SPIRE2: variants seen among roughly 807,000 people sequenced by gnomAD.
The protein encoded by SPIRE2 is protein spire homolog 2.
A neutral mutation model predicts 80.7 loss-of-function variants in SPIRE2; 76 were observed. The ratio of observed to expected loss-of-function variants is 0.94; its 90% CI spans 0.78 to 1.14. SPIRE2 has a LOEUF of 1.14. Among genes scored for constraint, SPIRE2 ranks in the 50% most tolerant of loss-of-function variants. The pLI, the probability that SPIRE2 is intolerant of heterozygous loss-of-function variation, is 0.00. For synonymous variants in SPIRE2, 535 were observed against 432.6 expected (o/e 1.24, Z -2.94); for missense variants, 1,196 against 1,015.3 (o/e 1.18, Z -2.42).
chr16:89,863,476 G>A lies in SPIRE2; in HGVS notation c.1576G>A (p.Glu526Lys), dbSNP rs1249777058. 1 of 1,613,990 alleles carries A rather than the reference G, an allele frequency of 6.2e-7. No homozygotes were observed. Among genetic ancestry groups the A allele is most frequent in the East Asian group, 2.2e-5 (1 of 44,892 alleles). ...MTPDAKHLWL[E>K]FSHPVESLAL... ...CTTCCTACCTGAGGCCGTCCCCTAG[G>A]AGTTCAGCCACCCCGTGGAGAGCCT... The change falls in exon 11 of 15, where the codon GAG becomes AAG. Residue 526 changes from glutamate (E) to lysine (K), a missense_variant and splice_region_variant. By Grantham distance (56) the Glu-to-Lys change is moderately conservative (BLOSUM62 1). Coordinates refer to ENST00000378247, the MANE Select transcript of SPIRE2 (RefSeq NM_032451.2). The surrounding 1 kb of genome is among the most constrained non-coding windows in gnomAD (Gnocchi z 4.3).
chr16:89,854,102 C>T (rs923378366), intron 3 of SPIRE2, among the ~76,000 whole-genome samples, 184 bp from the exon 4 acceptor site: 34 of 152,266 alleles, frequency 2.2e-4, no homozygotes, highest in Non-Finnish European at 7.3e-5. Context: ...CCGCCTGTGG[C>T]GATGGCTCGG....
chr16:89,865,603 T>G (rs2041782261), intron 12 of SPIRE2, among the ~76,000 whole-genome samples: 1 of 152,130 alleles, frequency 6.6e-6, no homozygotes, highest in African/African-American at 2.4e-5. Context: ...AACACAACTG[T>G]ATCTCGCATC....
At chr16:89,867,125 T>G (rs2041796512) in intron 12 of SPIRE2, among the ~76,000 whole-genome samples, 1 of 151,474 alleles carries the variant, frequency 6.6e-6, no homozygotes, top group African/African-American at 2.4e-5. Context: ...TTTTTTTTTG[T>G]TTTTTGTTGT....
intron 3 of SPIRE2, among the ~76,000 whole-genome samples, chr16:89,853,039 T>G (rs1323872950): frequency 6.6e-6 from 1 of 151,966 alleles, no homozygotes; most frequent in East Asian, 1.9e-4. Flanking sequence ...TCTTCCGTCC[T>G]CTCTCTCAGC....
At position 89,850,589 on chromosome 16, in the gene SPIRE2, G is replaced by A. The variant is rs1398340916; in HGVS notation, c.574G>A (p.Val192Met). The A allele has an allele frequency of 1.4e-5, 21 of 1,518,386 alleles. No homozygotes were observed. The highest frequency in any genetic ancestry group is 2.5e-5 in the East Asian group (1 of 40,588). The allele number at this position is 1,518,386 out of a possible 1,614,324, so 94.1% of individuals were successfully genotyped here. Residue 192 changes from valine (V) to methionine (M), a missense_variant, in exon 3 of 15, where the codon GTG (valine) becomes ATG (methionine). Val to Met is a conservative substitution (Grantham distance 21). Coordinates refer to ENST00000378247, the MANE Select transcript of SPIRE2 (RefSeq NM_032451.2). ...GGGCGCACAGGCGCATTACCAGGCCGTGTGCCGCGCGCTCTTCGTGGAGAC... is the reference window on the plus strand; with the variant it reads ...GGGCGCACAGGCGCATTACCAGGCCATGTGCCGCGCGCTCTTCGTGGAGAC... ...PRGAQAHYQA[V>M]CRALFVETLE...
chr16:89,852,734 G>A (rs1358776403), intron 3 of SPIRE2, among the ~76,000 whole-genome samples: 13 of 38,772 alleles, frequency 3.4e-4, no homozygotes, highest in Admixed American at 1.0e-3. Flanking sequence ...CTCACCCCCC[G>A]GATCCCATGG....
In SPIRE2 at chr16:89,860,802, G is replaced by T; in HGVS notation, c.1575+7G>T. The T allele has an allele frequency of 1.4e-6, 2 of 1,478,052 alleles. No homozygotes were observed. The highest frequency in any genetic ancestry group is 1.8e-6 in the Non-Finnish European group (2 of 1,112,236). 91.6% of individuals were successfully genotyped at this position (1,478,052 alleles called of 1,614,324 possible). On this transcript the variant is annotated splice_region_variant and intron_variant, in intron 10 of 14. Coordinates refer to ENST00000378247, the MANE Select transcript of SPIRE2 (RefSeq NM_032451.2). ...TGCCAAACACCTGTGGCTGGTGAGT[G>T]AGGGTGCGATTGTCGTCCAGGGCGG...
chr16:89,847,804 A>G (rs2041577589), intron 2 of SPIRE2, among the ~76,000 whole-genome samples: 1 of 152,160 alleles, frequency 6.6e-6, no homozygotes. Flanking sequence ...TTTGCTTTTC[A>G]GAGAAAGTTG....
intron 3 of SPIRE2, among the ~76,000 whole-genome samples, 164 bp downstream of exon 3, chr16:89,850,824 G>C (rs1022723814): frequency 4.0e-5 from 6 of 151,552 alleles, no homozygotes; most frequent in Non-Finnish European, 5.9e-5. Flanking sequence ...ACGCTTTCTT[G>C]TTGTTTTTTT....
rs1258846542 is a variant in SPIRE2, at chr16:89,861,248, C to T, written c.1575+453C>T. Among the ~76,000 whole-genome samples, 11 of 152,280 alleles carry T rather than the reference C, an allele frequency of 7.2e-5. No homozygotes were observed. In the East Asian group the frequency reaches 2.1e-3, roughly 29 times the overall value. Reference sequence around the variant, plus strand: ...ACCTTTGCTGACATCTTGAGGCCCACGTGGACCTGAGTTCTGGTGCAGGAT... The same window carrying T: ...ACCTTTGCTGACATCTTGAGGCCCATGTGGACCTGAGTTCTGGTGCAGGAT... On this transcript the variant is annotated intron_variant, in intron 10 of 14. Coordinates refer to ENST00000378247, the MANE Select transcript of SPIRE2 (RefSeq NM_032451.2).
rs777032112 is a variant in SPIRE2 at position 89,855,654 on chromosome 16, G to C, written c.946G>C (p.Asp316His). ...VKKDAHELIL[D>H]FIRSRPPLKQ... is the part of the protein sequence containing the mutation. Reference sequence around the variant, plus strand: ...GAAGGACGCTCACGAGCTCATCCTGGACTTTATCCGCTCACGGCCTCCACT... The same window carrying C: ...GAAGGACGCTCACGAGCTCATCCTGCACTTTATCCGCTCACGGCCTCCACT... The change falls in exon 6 of 15, where the codon GAC (aspartate) becomes CAC (histidine). Residue 316 changes from aspartate to histidine, a missense_variant. Transcript: ENST00000378247. 6.2e-7 allele frequency: 1 copy of C among 1,612,814 alleles called. No individual in the cohort carries two copies. Among genetic ancestry groups the C allele is most frequent in the South Asian group, 1.1e-5 (1 of 91,070 alleles).
chr16:89,840,526 G>A (rs1193722524), intron 1 of SPIRE2, among the ~76,000 whole-genome samples: 2 of 151,286 alleles, frequency 1.3e-5, no homozygotes, highest in Non-Finnish European at 2.9e-5. Context: ...TGGATTACAG[G>A]CATGAGCCAC....
chr16:89,842,164 C>G (rs940241154), intron 1 of SPIRE2, among the ~76,000 whole-genome samples: 4 of 151,134 alleles, frequency 2.6e-5, no homozygotes, highest in Admixed American at 2.0e-4. Flanking sequence ...CAGAGACACC[C>G]CAAGTCTTTG....
intron 12 of SPIRE2, among the ~76,000 whole-genome samples, chr16:89,867,122 T>A (rs1392276950): frequency 1.3e-5 from 2 of 151,738 alleles, no homozygotes; most frequent in African/African-American, 4.8e-5. Flanking sequence ...AGTTTTTTTT[T>A]TGTTTTTTGT....
rs181732505 is a variant in SPIRE2 at position 89,829,175 on chromosome 16, G to A, written c.244+381G>A. On this transcript the variant is annotated intron_variant, in intron 1 of 14. Transcript: ENST00000378247. ...GCGACTCCTCCCCTGCCTTCAGCAG[G>A]AAAGGAGACAGAAGCGTCCCCTTGG... 1.1e-3 allele frequency among the ~76,000 whole-genome samples: 170 copies of A among 152,342 alleles called. 1 individual carries two copies. The highest frequency in any genetic ancestry group is 1.9e-3 in the Non-Finnish European group (128 of 68,026).
rs531776782 is a variant in SPIRE2 at position 89,851,701 on chromosome 16, G to A, written c.645+1041G>A. ...AAGGGAGCTGATGTGTTTCTGTGTCGTGGGGTCTCTGCACACATGGGCTCT... is the reference window on the plus strand; with the variant it reads ...AAGGGAGCTGATGTGTTTCTGTGTCATGGGGTCTCTGCACACATGGGCTCT... On this transcript the variant is annotated intron_variant, in intron 3 of 14. Transcript: ENST00000378247. Among the ~76,000 whole-genome samples the A allele has an allele frequency of 9.2e-5, 14 of 152,218 alleles. No homozygotes were observed. The South Asian group carries it at 1.9e-3, about 20-fold the overall frequency.
At chr16:89,849,587 G>A (rs1780666351) in intron 2 of SPIRE2, among the ~76,000 whole-genome samples, 2 of 152,216 alleles carry the variant, frequency 1.3e-5, no homozygotes, top group African/African-American at 2.4e-5. Flanking sequence ...GTGTCCGACT[G>A]TGCTGCCTCT....
chr16:89,858,593 G>A (rs920046903), intron 8 of SPIRE2, 86 bp downstream of exon 8: 66 of 1,342,786 alleles, frequency 4.9e-5, no homozygotes, highest in Middle Eastern at 3.8e-4. Flanking sequence ...CTAAGCCGGG[G>A]GCAGCAGCAA....
intron 1 of SPIRE2, among the ~76,000 whole-genome samples, chr16:89,829,474 G>C (rs1168775403): frequency 6.6e-6 from 1 of 152,226 alleles, no homozygotes; most frequent in Admixed American, 6.5e-5. Context: ...GTGCTGGCTT[G>C]GAGCATGTGA....
Sources: allele counts gnomAD v4.1 joint callset (sites outside exome capture counted in the v4.1 genomes callset), GRCh38; gene constraint gnomAD v4.1.1; non-coding constraint Gnocchi (gnomAD v3.1); transcripts MANE v1.5; gene names NCBI Gene and HGNC (gene_info 2026-07-23, HGNC 2026-07-21).